Variants in CSMD1 observed in about 807,000 individuals in gnomAD.
The protein encoded by CSMD1 is CUB and sushi domain-containing protein 1.
Under a neutral mutation model 417.5 loss-of-function variants are expected in CSMD1, and 213 were observed. The ratio of observed to expected loss-of-function variants is 0.51; its 90% CI spans 0.46 to 0.57. The LOEUF (loss-of-function observed/expected upper bound fraction) is 0.57, where lower values mean the gene tolerates loss of function less well. Ranked by LOEUF, CSMD1 falls within the 20% of genes least tolerant of loss-of-function variation. The pLI is 0.00. For synonymous variants in CSMD1, 2,862 were observed against 1,736.8 expected (o/e 1.65, Z -16.11); for missense variants, 6,923 against 4,529.7 (o/e 1.53, Z -15.17).
chr8:4,710,050 A>T (rs1808191141), intron 1 of CSMD1, among the ~76,000 whole-genome samples: 1 of 152,198 alleles, frequency 6.6e-6, no homozygotes, highest in Non-Finnish European at 1.5e-5. Context: ...TGACTTGATA[A>T]CTAGTGATTT....
In CSMD1 at chr8:3,511,672, C is replaced by T. The variant is rs958585091; in HGVS notation, c.1345-17946G>A. ...ACTCAGGAGGCAAAGGCAGGAGAAT[C>T]CCTTGAACTGGGGCGGTGGAGGTTG... is the stretch of plus-strand genomic sequence containing the variant. On this transcript the variant is annotated intron_variant, in intron 10 of 69. Transcript: ENST00000635120. Among the ~76,000 whole-genome samples, 7 of 151,518 alleles carry T rather than the reference C, an allele frequency of 4.6e-5. 1 individual carries two copies. The highest frequency in any genetic ancestry group is 1.7e-4 in the African/African-American group (7 of 41,014).
intron 42 of CSMD1, among the ~76,000 whole-genome samples, chr8:3,111,239 C>T (rs948362517): frequency 1.3e-5 from 2 of 152,102 alleles, no homozygotes; most frequent in Admixed American, 6.5e-5. Context: ...AGTTTAGTAA[C>T]AAATGAGAAT....
At chr8:4,017,877 G>A (rs867255825) in intron 4 of CSMD1, among the ~76,000 whole-genome samples, 4 of 152,254 alleles carry the variant, frequency 2.6e-5, no homozygotes, top group Middle Eastern at 3.4e-3. Flanking sequence ...GTTTTCAACT[G>A]ACCAAAGGAC....
chr8:4,220,888 G>T (rs945628558), intron 3 of CSMD1, among the ~76,000 whole-genome samples: 2 of 152,198 alleles, frequency 1.3e-5, no homozygotes, highest in East Asian at 1.9e-4. Context: ...TTTGGGACTG[G>T]ATGTGGGAGG....
At chr8:4,183,080 A>C (rs1040748129) in intron 3 of CSMD1, among the ~76,000 whole-genome samples, 7 of 152,196 alleles carry the variant, frequency 4.6e-5, no homozygotes, top group Non-Finnish European at 1.0e-4. Context: ...TGTCACACTC[A>C]TATCACAGCG....
intron 2 of CSMD1, among the ~76,000 whole-genome samples, chr8:4,443,832 A>G (rs1798622979): frequency 6.6e-6 from 1 of 152,204 alleles, no homozygotes; most frequent in African/African-American, 2.4e-5. Flanking sequence ...TCACAGTGTT[A>G]GTAACGAACT....
At chr8:3,904,132 T>A (rs374032409) in intron 5 of CSMD1, among the ~76,000 whole-genome samples, 2 of 152,300 alleles carry the variant, frequency 1.3e-5, no homozygotes, top group Admixed American at 1.3e-4. Context: ...GCCTTGTAAT[T>A]ATATTTGGAT....
chr8:4,057,221 C>T (rs1798741802), intron 3 of CSMD1, among the ~76,000 whole-genome samples: 1 of 152,112 alleles, frequency 6.6e-6, no homozygotes, highest in African/African-American at 2.4e-5. Context: ...TAATGATTGC[C>T]ATTCTAACTG....
At chr8:4,127,215 G>A (rs1015037021) in intron 3 of CSMD1, among the ~76,000 whole-genome samples, 4 of 152,010 alleles carry the variant, frequency 2.6e-5, no homozygotes, top group South Asian at 2.1e-4. Flanking sequence ...GCCCCCTCCA[G>A]GATCAAACCC....
At chr8:4,467,680 C>G (rs965160870) in intron 2 of CSMD1, among the ~76,000 whole-genome samples, 2 of 152,120 alleles carry the variant, frequency 1.3e-5, no homozygotes, top group South Asian at 2.1e-4. Flanking sequence ...AATCAAGGTG[C>G]AAATAGGGTT....
chr8:4,503,418 G>A (rs1802360252), intron 2 of CSMD1, among the ~76,000 whole-genome samples: 1 of 151,972 alleles, frequency 6.6e-6, no homozygotes, highest in Non-Finnish European at 1.5e-5. Context: ...AATAAGTCGA[G>A]AAAATACATT....
intron 2 of CSMD1, among the ~76,000 whole-genome samples, chr8:4,528,720 A>C (rs1361186517): frequency 6.6e-6 from 1 of 152,138 alleles, no homozygotes; most frequent in South Asian, 2.1e-4. Context: ...AGCTTTTTGT[A>C]GGTCAAAAAA....
intron 1 of CSMD1, among the ~76,000 whole-genome samples, chr8:4,671,944 G>A (rs1247008360): frequency 2.6e-5 from 4 of 152,160 alleles, no homozygotes; most frequent in African/African-American, 9.7e-5. Flanking sequence ...TCTCAGTAGG[G>A]AGCAGCACCT....
intron 3 of CSMD1, among the ~76,000 whole-genome samples, chr8:4,128,681 C>T (rs1304912234): frequency 6.6e-6 from 1 of 152,074 alleles, no homozygotes; most frequent in African/African-American, 2.4e-5. Flanking sequence ...TCATCCCATA[C>T]CCCACAACCT....
At chr8:3,061,838 A>AT (rs374671868) in intron 49 of CSMD1, among the ~76,000 whole-genome samples, 116 of 152,004 alleles carry the variant, frequency 7.6e-4, no homozygotes, top group African/African-American at 2.6e-3. Context: ...GATAGACTCT[A>AT]TTTTTTTTAT....
intron 5 of CSMD1, among the ~76,000 whole-genome samples, chr8:3,836,665 T>C (rs994386777): frequency 9.9e-5 from 15 of 152,172 alleles, no homozygotes; most frequent in African/African-American, 3.4e-4. Flanking sequence ...GACACGTGAG[T>C]TCCTGTAATA....
intron 33 of CSMD1, among the ~76,000 whole-genome samples, chr8:3,198,065 T>C (rs9785074): frequency 6.6e-6 from 1 of 152,192 alleles, no homozygotes; most frequent in African/African-American, 2.4e-5. Flanking sequence ...ATAAATGATG[T>C]TCTTTTCTTT....
chr8:3,531,359 G>A (rs561820221), intron 10 of CSMD1, among the ~76,000 whole-genome samples: 86 of 151,964 alleles, frequency 5.7e-4, no homozygotes, highest in African/African-American at 1.8e-3. Context: ...CGACTTATGC[G>A]GCATTTGCTC....
At chr8:4,043,537 G>A (rs749409505) in intron 3 of CSMD1, among the ~76,000 whole-genome samples, 1 of 152,140 alleles carries the variant, frequency 6.6e-6, no homozygotes, top group South Asian at 2.1e-4. Context: ...AAAATAATGA[G>A]AAAAGACAAA....
Sources: gnomAD v4.1 joint callset for allele counts (sites outside exome capture counted in the v4.1 genomes callset) on GRCh38, gnomAD v4.1.1 for gene constraint, MANE v1.5 for transcripts, NCBI Gene and HGNC (gene_info 2026-07-23, HGNC 2026-07-21) for gene names.